Variants in EPB41L3 observed in about 807,000 individuals in gnomAD.
The protein encoded by EPB41L3 is erythrocyte membrane protein band 4.1 like 3, also known as band 4.1-like protein 3.
A neutral mutation model predicts 127.1 loss-of-function variants in EPB41L3; 57 were observed. That is an observed-to-expected ratio of 0.45 (90% CI 0.36 to 0.56). The LOEUF (loss-of-function observed/expected upper bound fraction) is 0.56. EPB41L3 is among the 20% of genes least tolerant of loss of function. The probability of loss-of-function intolerance (pLI) is 0.00; values close to 1 mark genes in which losing one functional copy is unlikely to be tolerated. For synonymous variants in EPB41L3, 572 were observed against 549.5 expected (o/e 1.04, Z -0.57); for missense variants, 1,273 against 1,372.2 (o/e 0.93, Z 1.14).
At chr18:5,463,122 C>A (rs1396160811) in intron 3 of EPB41L3, among the ~76,000 whole-genome samples, 1 of 152,190 alleles carries the variant, frequency 6.6e-6, no homozygotes, top group East Asian at 1.9e-4. Context: ...TACCTCATTG[C>A]CAATTGCCTT....
upstream of EPB41L3, chr18:5,544,081 G>A: frequency 2.0e-6 from 2 of 985,568 alleles, no homozygotes; most frequent in Non-Finnish European, 2.4e-6. Context: ...AGGCTCCGCG[G>A]AGCTGCGGCG....
chr18:5,556,504 A>G (rs1263030378), intron 3 of EPB41L3, among the ~76,000 whole-genome samples: 3 of 152,194 alleles, frequency 2.0e-5, no homozygotes, highest in Non-Finnish European at 2.9e-5. Context: ...AGAATGACTC[A>G]ACTATTCTTC....
intron 20 of EPB41L3, among the ~76,000 whole-genome samples, chr18:5,395,384 T>C (rs1316215463): frequency 6.6e-6 from 1 of 152,160 alleles, no homozygotes; most frequent in African/African-American, 2.4e-5. Flanking sequence ...GGAGTAAGCA[T>C]TAAGCTTAGG....
chr18:5,503,689 A>G (rs2091929310), intron 1 of EPB41L3, among the ~76,000 whole-genome samples: 1 of 152,248 alleles, frequency 6.6e-6, no homozygotes, highest in Admixed American at 6.5e-5. Flanking sequence ...ACAAAAGACC[A>G]TTCCCTAGTC....
chr18:5,493,876 T>C (rs2090878707), intron 1 of EPB41L3, among the ~76,000 whole-genome samples: 1 of 152,210 alleles, frequency 6.6e-6, no homozygotes, highest in Non-Finnish European at 1.5e-5. Context: ...GTTCTCCAGG[T>C]TTGACACCCT....
At chr18:5,611,248 T>G (rs1158659134) in intron 3 of EPB41L3, among the ~76,000 whole-genome samples, 1 of 152,218 alleles carries the variant, frequency 6.6e-6, no homozygotes, top group African/African-American at 2.4e-5. Context: ...ACTACACGTG[T>G]CCATTGATGG....
chr18:5,578,794 G>A (rs1010605091), intron 3 of EPB41L3, among the ~76,000 whole-genome samples: 3 of 152,188 alleles, frequency 2.0e-5, no homozygotes, highest in African/African-American at 7.2e-5. Context: ...TGGAAGGAAT[G>A]TGAATCCACA....
intron 2 of EPB41L3, among the ~76,000 whole-genome samples, chr18:5,613,318 C>A (rs995011894): frequency 6.6e-6 from 1 of 152,202 alleles, no homozygotes; most frequent in African/African-American, 2.4e-5. Context: ...TTGAGAAACA[C>A]AAAGCCGTGT....
chr18:5,545,580 T>C (rs932739209), upstream of EPB41L3, among the ~76,000 whole-genome samples: 2 of 152,162 alleles, frequency 1.3e-5, no homozygotes, highest in African/African-American at 2.4e-5. Flanking sequence ...ATGTGTAGCT[T>C]TGGGAAATTT....
intron 12 of EPB41L3, 145 bp from the exon 13 acceptor site, chr18:5,416,523 TG>T: frequency 1.3e-6 from 1 of 794,228 alleles, no homozygotes; most frequent in East Asian, 2.7e-5. Context: ...TGCTCATGAA[TG>T]TTAAAGTATT....
intron 2 of EPB41L3, among the ~76,000 whole-genome samples, 161 bp from the exon 3 acceptor site, chr18:5,478,599 CTAAA>C (rs1244766176): frequency 6.6e-6 from 1 of 152,096 alleles, no homozygotes; most frequent in Non-Finnish European, 1.5e-5. Flanking sequence ...TAATATTTGC[CTAAA>C]TACTGTTTGC....
At chr18:5,500,361 G>A (rs2091632569) in intron 1 of EPB41L3, among the ~76,000 whole-genome samples, 1 of 152,140 alleles carries the variant, frequency 6.6e-6, no homozygotes, top group South Asian at 2.1e-4. Flanking sequence ...GAGAAAGGAG[G>A]TGTGAACCAC....
chr18:5,548,346 T>G (rs2149124611), upstream of EPB41L3, among the ~76,000 whole-genome samples: 1 of 152,342 alleles, frequency 6.6e-6, no homozygotes, highest in East Asian at 1.9e-4. Flanking sequence ...ATTGAGTTTG[T>G]ATACCCCATT....
rs200272088 is a variant in EPB41L3, at chr18:5,433,923, G to C, written c.804C>G (p.Ile268Met). 5 of 1,614,154 alleles carry C rather than the reference G, an allele frequency of 3.1e-6. No homozygotes were observed. The highest frequency in any genetic ancestry group is 1.1e-5 in the South Asian group (1 of 91,074). Residue 268 changes from isoleucine (I) to methionine (M), a missense_variant, in exon 7 of 23, where the codon ATC becomes ATG. Ile to Met is a conservative substitution (Grantham distance 10). Around this residue, in one of 3 missense-constraint regions of EPB41L3, gnomAD observed 326 missense variants for 440.2 expected, o/e 0.74. Transcript: ENST00000341928. Reference sequence around the variant, plus strand: ...CTAACCTGTGGCTCTTGTGCAGCTCGATCACTTTGTCTTCCAGTTCTTTAG... The same window carrying C: ...CTAACCTGTGGCTCTTGTGCAGCTCCATCACTTTGTCTTCCAGTTCTTTAG... ...NHTKELEDKV[I>M]ELHKSHRGMT... is the part of the protein sequence containing the mutation.
At chr18:5,469,749 G>A (rs559478780) in intron 3 of EPB41L3, among the ~76,000 whole-genome samples, 9 of 151,872 alleles carry the variant, frequency 5.9e-5, no homozygotes, top group East Asian at 1.9e-4. Flanking sequence ...ACTTTGGATC[G>A]TTCCTTCTGC....
Position 5,406,132 on chromosome 18 carries a change from T to A in EPB41L3, c.2349+645A>T, listed in dbSNP as rs979444389. 8.5e-5 allele frequency among the ~76,000 whole-genome samples: 13 copies of A among 152,108 alleles called. 1 individual carries two copies. The South Asian group carries it at 2.7e-3, about 32-fold the overall frequency. ...CCGGTGTGGTGAAGGGCATCTATAG[T>A]CCCAGCTACTTGGGAGGCCAAGGCA... On this transcript the variant is annotated intron_variant, in intron 16 of 22. Transcript: ENST00000341928.
intron 3 of EPB41L3, among the ~76,000 whole-genome samples, chr18:5,583,172 A>T (rs2094410790): frequency 6.6e-6 from 1 of 152,234 alleles, no homozygotes; most frequent in African/African-American, 2.4e-5. Flanking sequence ...CAGTCAGACA[A>T]CTGTCATAGA....
Position 5,623,458 on chromosome 18 carries a change from C to A in EPB41L3, c.-468+5464G>T, listed in dbSNP as rs548897735. 2.0e-5 allele frequency among the ~76,000 whole-genome samples: 3 copies of A among 152,240 alleles called. No homozygotes were observed. The East Asian group carries it at 5.8e-4, about 29-fold the overall frequency. ...TTTCTTTTTGCTCATTCCTAGTGAG[C>A]AATGGACTATTTACAACTATTTGAG... On this transcript the variant is annotated intron_variant, in intron 1 of 21. Coordinates refer to the EPB41L3 transcript ENST00000545076.
At chr18:5,488,806 G>A (rs2148280231) in intron 2 of EPB41L3, 195 bp downstream of exon 2, 1 of 530,254 alleles carries the variant, frequency 1.9e-6, no homozygotes, top group Admixed American at 4.2e-5. Context: ...TTAAAAGAAG[G>A]AGTTACCAAG....
Sources: gnomAD v4.1 joint callset for allele counts (sites outside exome capture counted in the v4.1 genomes callset) on GRCh38, gnomAD v4.1.1 for gene constraint, gnomAD v4.1.1 regional missense constraint, MANE v1.5 for transcripts, NCBI Gene and HGNC (gene_info 2026-07-23, HGNC 2026-07-21) for gene names.